Variants in IL25 observed in about 807,000 individuals in gnomAD.
The protein encoded by IL25 is interleukin 25.
IL25 carries 10 observed loss-of-function variants against 13.2 expected under a neutral mutation model. That is an observed-to-expected ratio of 0.76 (90% confidence interval 0.47 to 1.29). The LOEUF is 1.29. IL25 is among the 50% of genes most tolerant of loss of function. The probability of loss-of-function intolerance (pLI) is 0.00; values close to 1 mark genes in which losing one functional copy is unlikely to be tolerated. For synonymous variants in IL25, 107 were observed against 92.1 expected (o/e 1.16, Z -0.93); for missense variants, 235 against 232.4 (o/e 1.01, Z -0.07).
exon 1 of IL25, chr14:23,373,271 G>A: frequency 6.2e-7 from 1 of 1,614,198 alleles, no homozygotes; most frequent in African/African-American, 1.3e-5. Context: ...CTGAGGAGCT[G>A]CTGAGGTGGA....
exon 2 of IL25, chr14:23,376,342 AG>A (rs1890558773): frequency 6.0e-6 from 1 of 167,844 alleles, no homozygotes; most frequent in South Asian, 1.7e-4. Context: ...GATGATTCTG[AG>A]GAGGAAGCTG....
chr14:23,374,434 T>C (rs1249280574), intron 1 of IL25, among the ~76,000 whole-genome samples: 1 of 152,228 alleles, frequency 6.6e-6, no homozygotes, highest in Non-Finnish European at 1.5e-5. Flanking sequence ...AAGACTGCTG[T>C]ATCTCCTACC....
rs1055709867 is a variant in IL25 at position 23,375,547 on chromosome 14, T to C, written c.279-78T>C. 13 of 1,536,934 alleles carry C rather than the reference T, an allele frequency of 8.5e-6. No individual in the cohort carries two copies. In the African/African-American group the frequency reaches 1.8e-4, roughly 21 times the overall value. Reference sequence around the variant, plus strand: ...AGGCCCCAGACGGACCATTTCCTTCTTCTGGCACTCCCATGCCACCCCACC... The same window carrying C: ...AGGCCCCAGACGGACCATTTCCTTCCTCTGGCACTCCCATGCCACCCCACC... On this transcript the variant is annotated intron_variant, in intron 1 of 1. Coordinates refer to ENST00000329715, the Ensembl canonical transcript of IL25.
At chr14:23,374,736 T>TC (rs1890493231) in intron 1 of IL25, among the ~76,000 whole-genome samples, 2 of 151,734 alleles carry the variant, frequency 1.3e-5, no homozygotes, top group Admixed American at 6.6e-5. Flanking sequence ...CTTTCTTTTT[T>TC]TTTTTTTGCC....
exon 2 of IL25, chr14:23,375,881 C>T (rs774268097): frequency 6.8e-6 from 11 of 1,612,816 alleles, no homozygotes; most frequent in Non-Finnish European, 8.5e-6. Flanking sequence ...GATGGGCTAG[C>T]CGGACCTGCT....
At chr14:23,376,180 C>T (rs968525446) in exon 2 of IL25, 1 of 400,088 alleles carries the variant, frequency 2.5e-6, no homozygotes, top group East Asian at 4.8e-5. Flanking sequence ...CTTTTCCCAT[C>T]CCCTGCTACC....
exon 1 of IL25, chr14:23,373,069 G>C: frequency 6.2e-7 from 1 of 1,614,060 alleles, no homozygotes; most frequent in Admixed American, 1.7e-5. Flanking sequence ...CAGGTTTGGG[G>C]CTGGGGGCCA....
At chr14:23,373,520 G>T in intron 1 of IL25, 124 bp downstream of exon 2, 1 of 792,624 alleles carries the variant, frequency 1.3e-6, no homozygotes, top group African/African-American at 1.7e-5. Context: ...AGGTTTGGGA[G>T]TTAGACAAGG....
chr14:23,376,034 A>G (rs1037873231), exon 2 of IL25: 2 of 1,022,088 alleles, frequency 2.0e-6, no homozygotes, highest in African/African-American at 3.2e-5. Context: ...CTTTGGGGAA[A>G]GCCTGCACTT....
chr14:23,373,244 C>T, exon 1 of IL25: 1 of 1,614,208 alleles, frequency 6.2e-7, no homozygotes. Context: ...GCTGCCCCAG[C>T]AAAGGGCAGG....
intron 1 of IL25, 40 bp from the exon 3 acceptor site, chr14:23,375,585 G>A (rs1227860032): frequency 6.3e-6 from 10 of 1,595,884 alleles, no homozygotes; most frequent in East Asian, 2.2e-5. Context: ...CTCTGTTTCC[G>A]GCCCATCTTT....
At chr14:23,375,099 A>G (rs1040454635) in intron 1 of IL25, among the ~76,000 whole-genome samples, 7 of 152,128 alleles carry the variant, frequency 4.6e-5, no homozygotes, top group African/African-American at 1.7e-4. Flanking sequence ...GGCCAACATC[A>G]TGAAACCCCA....
At chr14:23,372,830 A>T, upstream of IL25, 1 of 819,714 alleles carries the variant, frequency 1.2e-6, no homozygotes. Context: ...CCCTAAAAAG[A>T]CAGTGGAAAT....
At chr14:23,373,794 C>T (rs994952912) in intron 1 of IL25, among the ~76,000 whole-genome samples, 1 of 152,086 alleles carries the variant, frequency 6.6e-6, no homozygotes, top group Non-Finnish European at 1.5e-5. Flanking sequence ...CATGAAGCAT[C>T]CCAATACCAA....
Position 23,375,858 on chromosome 14 carries a change from T to TGC in IL25, c.514_515dup (p.Pro173GlyfsTer4). On this transcript the variant is annotated frameshift_variant, in exon 2 of 2. Transcript: ENST00000329715. LOFTEE classifies it high-confidence loss of function. ...CGTGTTTCCTTAGCTTGTGTGTGTG[T>TGC]GCGGCCCCGTGTGATGGGCTAGCCG... 6.2e-7 allele frequency: 1 copy of TGC among 1,614,104 alleles called. No individual in the cohort carries two copies.
At chr14:23,372,971 A>G in exon 1 of IL25, 2 of 1,613,812 alleles carry the variant, frequency 1.2e-6, no homozygotes, top group Non-Finnish European at 8.5e-7. Flanking sequence ...CCCAGCATGT[A>G]CCAGGTCAGT....
chr14:23,376,154 A>C, exon 2 of IL25: 2 of 455,338 alleles, frequency 4.4e-6, no homozygotes, highest in Non-Finnish European at 7.8e-6. Context: ...GGAGGCCACC[A>C]CTCCTGTCTC....
At position 23,373,511 on chromosome 14, in the gene IL25, G is replaced by A. The variant is rs559061988; in HGVS notation, c.278+115G>A. 528 of 884,218 alleles carry A rather than the reference G, an allele frequency of 6.0e-4. 2 individuals carry two copies. The highest frequency in any genetic ancestry group is 7.0e-4 in the Middle Eastern group (2 of 2,844). 54.8% of individuals were successfully genotyped at this position (884,218 alleles called of 1,614,324 possible). A position where few individuals can be genotyped will look rare whatever the true frequency, so the allele number is the denominator to read the frequency against. On this transcript the variant is annotated intron_variant, in intron 1 of 1. Coordinates refer to ENST00000329715, the Ensembl canonical transcript of IL25. The stretch of plus-strand genomic sequence containing the variant: ...ATTTTGATCTCAGAGGGGCTGTAAA[G>A]GTTTGGGAGTTAGACAAGGTCTGTA...
intron 1 of IL25, among the ~76,000 whole-genome samples, chr14:23,374,776 T>A (rs1890494467): frequency 6.6e-6 from 1 of 151,922 alleles, no homozygotes; most frequent in Admixed American, 6.6e-5. Flanking sequence ...AGTAAATAAG[T>A]CTTCCCATGC....
Sources: gnomAD v4.1 joint callset for allele counts (sites outside exome capture counted in the v4.1 genomes callset) on GRCh38, gnomAD v4.1.1 for gene constraint, MANE v1.5 for transcripts, NCBI Gene and HGNC (gene_info 2026-07-23, HGNC 2026-07-21) for gene names.